LPAR1: variants seen among roughly 807,000 people sequenced by gnomAD.
The protein encoded by LPAR1 is LPA receptor 1.
A neutral mutation model predicts 23.8 loss-of-function variants in LPAR1; 5 were observed. The ratio of observed to expected loss-of-function variants is 0.21; its 90% confidence interval spans 0.11 to 0.44. LPAR1 has a LOEUF of 0.44. LPAR1 is among the 20% of genes least tolerant of loss of function. LPAR1 has a pLI of 0.99. For missense variants in LPAR1, 311 were observed against 482.8 expected (o/e 0.64, Z 3.33); for synonymous variants, 160 against 164.7 (o/e 0.97, Z 0.22).
intron 4 of LPAR1, among the ~76,000 whole-genome samples, chr9:110,945,560 C>T (rs896000218): frequency 6.6e-6 from 1 of 152,060 alleles, no homozygotes; most frequent in African/African-American, 2.4e-5. Context: ...TCAGTAAAAA[C>T]ATCACAAAAA....
At chr9:110,934,409 T>C (rs1009636723) in intron 5 of LPAR1, 2 of 152,174 alleles carry the variant, frequency 1.3e-5, no homozygotes, top group Non-Finnish European at 2.9e-5. Context: ...AGGTAATGGC[T>C]GGTCTGAGTG....
intron 4 of LPAR1, among the ~76,000 whole-genome samples, chr9:110,971,088 T>G (rs2096405181): frequency 6.6e-6 from 1 of 152,140 alleles, no homozygotes; most frequent in Non-Finnish European, 1.5e-5. Flanking sequence ...TGAACCAAGA[T>G]CATGCCACTA....
At chr9:110,966,381 AG>A (rs898755267) in intron 4 of LPAR1, among the ~76,000 whole-genome samples, 14 of 151,564 alleles carry the variant, frequency 9.2e-5, no homozygotes, top group African/African-American at 3.2e-4. Context: ...CAGGAGGCTG[AG>A]GCAGGAGAAT....
chr9:110,966,558 A>G (rs1038117517), intron 4 of LPAR1, among the ~76,000 whole-genome samples: 1 of 152,128 alleles, frequency 6.6e-6, no homozygotes, highest in African/African-American at 2.4e-5. Context: ...ATACCTATGT[A>G]ACAAACCTGC....
intron 2 of LPAR1, among the ~76,000 whole-genome samples, chr9:111,026,673 T>C (rs1323613094): frequency 6.6e-6 from 1 of 152,218 alleles, no homozygotes; most frequent in Non-Finnish European, 1.5e-5. Context: ...CTGTCATAAA[T>C]AGCTCTTATT....
At chr9:110,978,009 C>T (rs1207453001) in intron 2 of LPAR1, among the ~76,000 whole-genome samples, 1 of 152,018 alleles carries the variant, frequency 6.6e-6, no homozygotes, top group East Asian at 1.9e-4. Flanking sequence ...ATCCACCAGG[C>T]AAATAGAACA....
At chr9:110,945,304 G>A (rs961150846) in intron 4 of LPAR1, 1 of 152,142 alleles carries the variant, frequency 6.6e-6, no homozygotes. Context: ...GATAGTCAGG[G>A]CTATAATGAC....
At chr9:110,954,147 G>A (rs982794805) in intron 4 of LPAR1, among the ~76,000 whole-genome samples, 1 of 152,078 alleles carries the variant, frequency 6.6e-6, no homozygotes, top group African/African-American at 2.4e-5. Flanking sequence ...TGGTACTAAA[G>A]AATTCACTGA....
At chr9:110,932,883 G>A (rs1171577357) in intron 5 of LPAR1, among the ~76,000 whole-genome samples, 1 of 152,216 alleles carries the variant, frequency 6.6e-6, no homozygotes, top group South Asian at 2.1e-4. Flanking sequence ...GGGCCAAAAA[G>A]GTTGGGGACC....
intron 5 of LPAR1, among the ~76,000 whole-genome samples, chr9:110,933,921 A>C (rs1467059021): frequency 6.6e-6 from 1 of 152,210 alleles, no homozygotes; most frequent in African/African-American, 2.4e-5. Context: ...GATGGGCAAC[A>C]AAAGGGTATA....
rs750304714 is a variant in LPAR1 at position 110,941,370 on chromosome 9, T to C, written c.793+51A>G. ...CTCTGACATAAAATAATGTGGTTTA[T>C]GTTAGTCACTGAGAATCTATAAAGT... On this transcript the variant is annotated intron_variant, in intron 5 of 5. Transcript: ENST00000683809. This position sits in a 1 kb window ranked among gnomAD's most constrained non-coding sequence, Gnocchi z 6.1. The C allele has an allele frequency of 6.0e-6, 9 of 1,505,618 alleles. No homozygotes were observed. Among genetic ancestry groups the C allele is most frequent in the Non-Finnish European group, 7.2e-6 (8 of 1,116,160 alleles). The allele number at this position is 1,505,618 out of a possible 1,614,324, so 93.3% of individuals were successfully genotyped here.
chr9:110,972,515 C>G (rs1253987803), intron 3 of LPAR1, among the ~76,000 whole-genome samples: 1 of 152,066 alleles, frequency 6.6e-6, no homozygotes, highest in Non-Finnish European at 1.5e-5. Flanking sequence ...GGGGGAAAAG[C>G]CATCCTGCCA....
chr9:110,993,259 T>C (rs918723986), intron 2 of LPAR1, among the ~76,000 whole-genome samples: 2 of 152,208 alleles, frequency 1.3e-5, no homozygotes, highest in Admixed American at 1.3e-4. Flanking sequence ...TTTCTCCTAA[T>C]GCTATCCCTT....
At chr9:110,949,432 T>A (rs2095499159) in intron 4 of LPAR1, among the ~76,000 whole-genome samples, 1 of 152,222 alleles carries the variant, frequency 6.6e-6, no homozygotes, top group Non-Finnish European at 1.5e-5. Context: ...GTTTCTATTC[T>A]TTAATGCTTA....
chr9:110,933,888 C>T (rs1461750724), intron 5 of LPAR1, among the ~76,000 whole-genome samples: 1 of 152,096 alleles, frequency 6.6e-6, no homozygotes, highest in African/African-American at 2.4e-5. Context: ...AACGTTTCTT[C>T]TGAGAAAAAA....
At chr9:110,913,123 A>C (rs1015492548) in intron 5 of LPAR1, among the ~76,000 whole-genome samples, 2 of 152,236 alleles carry the variant, frequency 1.3e-5, no homozygotes, top group Non-Finnish European at 2.9e-5. Context: ...TCTGTATTCA[A>C]ATCCAGATCT....
chr9:110,972,294 G>T, intron 3 of LPAR1, 74 bp from the exon 4 acceptor site: 1 of 599,794 alleles, frequency 1.7e-6, no homozygotes, highest in Non-Finnish European at 3.0e-6. Flanking sequence ...ATTGGCCAAA[G>T]GAGGTAAGAA....
chr9:110,904,610 A>C (rs2090576927), intron 5 of LPAR1, among the ~76,000 whole-genome samples: 1 of 152,230 alleles, frequency 6.6e-6, no homozygotes, highest in African/African-American at 2.4e-5. Context: ...GCAAAGTCCT[A>C]GACTAGGAGC....
At chr9:111,023,284 G>C (rs1367050427) in intron 2 of LPAR1, among the ~76,000 whole-genome samples, 1 of 151,934 alleles carries the variant, frequency 6.6e-6, no homozygotes, top group Non-Finnish European at 1.5e-5. Context: ...TTTCCCTTCC[G>C]GTTTTCTATT....
Sources: gnomAD v4.1 joint callset for allele counts (sites outside exome capture counted in the v4.1 genomes callset) on GRCh38, gnomAD v4.1.1 for gene constraint, Gnocchi (gnomAD v3.1) non-coding constraint, MANE v1.5 for transcripts, NCBI Gene and HGNC (gene_info 2026-07-23, HGNC 2026-07-21) for gene names.